The following SHROOM3 variants were observed in gnomAD, a reference collection of about 807,000 sequenced individuals.
SHROOM3 encodes the protein shroom family member 3, also known as protein Shroom3.
Under a neutral mutation model 138.6 loss-of-function variants are expected in SHROOM3, and 47 were observed. The observed-to-expected ratio is 0.34, with a 90% confidence interval of 0.27 to 0.43. The LOEUF (loss-of-function observed/expected upper bound fraction) is 0.43, where lower values mean the gene tolerates loss of function less well. SHROOM3 is among the 20% of genes least tolerant of loss of function. The probability of loss-of-function intolerance (pLI) is 1.00; values close to 1 mark genes in which losing one functional copy is unlikely to be tolerated. For synonymous variants in SHROOM3, 1,062 were observed against 1,063.3 expected, an observed-to-expected ratio of 1.00 and a Z score of 0.02; for missense variants, 2,491 against 2,596.5, an observed-to-expected ratio of 0.96 and a Z score of 0.88.
chr4:76,727,489 T>G (rs1018370474), intron 3 of SHROOM3, among the ~76,000 whole-genome samples: 7 of 152,184 alleles, frequency 4.6e-5, no homozygotes, highest in African/African-American at 1.4e-4. Context: ...GCCTAATTTC[T>G]GGGGACTTTG....
chr4:76,569,495 G>T (rs1380358530), intron 2 of SHROOM3, among the ~76,000 whole-genome samples: 2 of 152,170 alleles, frequency 1.3e-5, no homozygotes, highest in African/African-American at 4.8e-5. Context: ...TCTAGCACCA[G>T]CCAAGCCTGC....
At chr4:76,775,321 GGTGT>G (rs57294282) in intron 10 of SHROOM3, among the ~76,000 whole-genome samples, 14 of 149,104 alleles carry the variant, frequency 9.4e-5, no homozygotes, top group Non-Finnish European at 1.8e-4. Context: ...TAGTCCATGG[GGTGT>G]GTGTGTGTGT....
At chr4:76,773,073 G>GT (rs985994532) in intron 10 of SHROOM3, among the ~76,000 whole-genome samples, 1 of 152,036 alleles carries the variant, frequency 6.6e-6, no homozygotes, top group Non-Finnish European at 1.5e-5. Context: ...GCTTGGTTTT[G>GT]TTTTTAAAAA....
rs71212446 is a variant in SHROOM3 at position 76,727,887 on chromosome 4, C to CAAAAAA, written c.456-2913_456-2908dup. On this transcript the variant is annotated intron_variant, in intron 3 of 10. Coordinates refer to ENST00000296043, the MANE Select transcript of SHROOM3 (RefSeq NM_020859.4). ...TGGGCGATAGAGCAAGACTCCATCT[C>CAAAAAA]AAAAAAAAAGGTTGATTCAACTTTA... 2.1e-3 allele frequency among the ~76,000 whole-genome samples: 201 copies of CAAAAAA among 96,256 alleles called. 17 individuals carry two copies. Among genetic ancestry groups the CAAAAAA allele is most frequent in the Non-Finnish European group, 3.6e-3 (163 of 44,668 alleles). 63.1% of individuals were successfully genotyped at this position (96,256 alleles called of 152,430 possible).
intron 9 of SHROOM3, among the ~76,000 whole-genome samples, chr4:76,762,848 G>A (rs1722029638): frequency 6.6e-6 from 1 of 152,096 alleles, no homozygotes. Flanking sequence ...TCTACTGGGG[G>A]AGCCCAAAGG....
intron 6 of SHROOM3, among the ~76,000 whole-genome samples, chr4:76,749,364 T>C (rs1721551361): frequency 1.3e-5 from 2 of 152,258 alleles, no homozygotes; most frequent in African/African-American, 2.4e-5. Context: ...TGGAGAACTT[T>C]TTATTTTCCA....
intron 1 of SHROOM3, among the ~76,000 whole-genome samples, chr4:76,466,447 G>A (rs28432153): frequency 2.0e-5 from 3 of 152,228 alleles, no homozygotes; most frequent in Non-Finnish European, 2.9e-5. Context: ...AGATAGATTG[G>A]TTGCAGAAAC....
rs186417195 is a variant in SHROOM3, at chr4:76,604,068, G to A, written c.323+48305G>A. Among the ~76,000 whole-genome samples, 144 of 151,766 alleles carry A rather than the reference G, an allele frequency of 9.5e-4. 1 individual carries two copies. Among genetic ancestry groups the A allele is most frequent in the Non-Finnish European group, 1.7e-3 (113 of 67,910 alleles). On this transcript the variant is annotated intron_variant, in intron 2 of 10. Transcript: ENST00000296043. ...TCTCAAACTCCTGACCTCATGATCCGCCCACCTCGGCCTCCCAAAGTGCTG... is the reference window on the plus strand; with the variant it reads ...TCTCAAACTCCTGACCTCATGATCCACCCACCTCGGCCTCCCAAAGTGCTG...
intron 2 of SHROOM3, among the ~76,000 whole-genome samples, chr4:76,602,546 G>T (rs994303063): frequency 2.0e-5 from 3 of 151,832 alleles, no homozygotes; most frequent in African/African-American, 7.3e-5. Context: ...CTTACTAGTG[G>T]CAATATATTG....
chr4:76,767,733 AAT>A (rs1722210980), intron 9 of SHROOM3, among the ~76,000 whole-genome samples: 1 of 152,164 alleles, frequency 6.6e-6, no homozygotes, highest in Non-Finnish European at 1.5e-5. Context: ...AGGATTTTTA[AAT>A]ACAATGAGGC....
chr4:76,659,939 A>G (rs1736147482), intron 2 of SHROOM3, among the ~76,000 whole-genome samples: 1 of 152,230 alleles, frequency 6.6e-6, no homozygotes, highest in African/African-American at 2.4e-5. Context: ...GAAGCAACCC[A>G]TCTAAAACAT....
At position 76,544,407 on chromosome 4, in the gene SHROOM3, C is replaced by CTTTTT. The variant is rs58799466; in HGVS notation, c.169-11179_169-11175dup. On this transcript the variant is annotated intron_variant, in intron 1 of 10. Coordinates refer to ENST00000296043, the MANE Select transcript of SHROOM3 (RefSeq NM_020859.4). ...AAAAAATTTTAAGATAGCTCAATGG[C>CTTTTT]TTTTTTTTTTTTTTTTTTTTTTTTT... Among the ~76,000 whole-genome samples, 454 of 75,860 alleles carry CTTTTT rather than the reference C, an allele frequency of 6.0e-3. 99 individuals are homozygous for CTTTTT. Among genetic ancestry groups the CTTTTT allele is most frequent in the Non-Finnish European group, 9.5e-3 (341 of 35,736 alleles). The allele number at this position is 75,860 out of a possible 152,430, so 49.8% of individuals were successfully genotyped here. A position where few individuals can be genotyped will look rare whatever the true frequency, so the allele number is the denominator to read the frequency against.
chr4:76,643,412 AAGAC>A (rs1364145474), intron 2 of SHROOM3, among the ~76,000 whole-genome samples: 1 of 152,146 alleles, frequency 6.6e-6, no homozygotes, highest in Non-Finnish European at 1.5e-5. Context: ...ATACAGTTAT[AAGAC>A]AGAGAGACAG....
chr4:76,566,292 A>G (rs1365719988), intron 2 of SHROOM3, among the ~76,000 whole-genome samples: 2 of 152,120 alleles, frequency 1.3e-5, no homozygotes, highest in Admixed American at 1.3e-4. Context: ...GAGGAAGTGT[A>G]TAGGTTATAT....
intron 1 of SHROOM3, among the ~76,000 whole-genome samples, chr4:76,503,470 C>T (rs902342558): frequency 4.0e-5 from 6 of 151,868 alleles, no homozygotes; most frequent in Non-Finnish European, 8.8e-5. Context: ...ACTTTGTCAC[C>T]CAGGCTGGAG....
intron 2 of SHROOM3, among the ~76,000 whole-genome samples, chr4:76,633,997 C>T (rs1031793019): frequency 3.9e-5 from 6 of 151,956 alleles, no homozygotes; most frequent in Admixed American, 3.3e-4. Flanking sequence ...CCTGGAGAAC[C>T]CTTCTTAATG....
At chr4:76,716,531 C>A (rs1720381891) in intron 3 of SHROOM3, 1 of 432,960 alleles carries the variant, frequency 2.3e-6, no homozygotes, top group African/African-American at 2.0e-5. Context: ...AGAAAAATAA[C>A]CAACTGCCTG....
chr4:76,546,406 T>C (rs1733218960), intron 1 of SHROOM3, among the ~76,000 whole-genome samples: 1 of 152,222 alleles, frequency 6.6e-6, no homozygotes, highest in Non-Finnish European at 1.5e-5. Context: ...TTGCAACCCA[T>C]GGAAATGTTT....
chr4:76,681,684 T>C (rs1307898627), intron 2 of SHROOM3, among the ~76,000 whole-genome samples: 1 of 145,206 alleles, frequency 6.9e-6, no homozygotes, highest in Non-Finnish European at 1.5e-5. Context: ...CCATTCCCCA[T>C]GCTAGTGTCT....
Sources: allele counts gnomAD v4.1 joint callset (sites outside exome capture counted in the v4.1 genomes callset), GRCh38; gene constraint gnomAD v4.1.1; transcripts MANE v1.5; gene names NCBI Gene and HGNC (gene_info 2026-07-23, HGNC 2026-07-21).